KIF21B: variants seen among roughly 807,000 people sequenced by gnomAD.
KIF21B encodes the protein kinesin-like protein KIF21B.
Under a neutral mutation model 192.9 loss-of-function variants are expected in KIF21B, and 85 were observed. That is an observed-to-expected ratio of 0.44 (90% CI 0.37 to 0.53). The LOEUF (loss-of-function observed/expected upper bound fraction) is 0.53, where lower values mean the gene tolerates loss of function less well. Ranked by LOEUF, KIF21B falls within the 20% of genes least tolerant of loss-of-function variation. The probability of loss-of-function intolerance (pLI) is 0.00; values close to 1 mark genes in which losing one functional copy is unlikely to be tolerated. For synonymous variants in KIF21B, 832 were observed against 884.6 expected, an observed-to-expected ratio of 0.94 and a Z score of 1.05; for missense variants, 1,716 against 2,194.8, an observed-to-expected ratio of 0.78 and a Z score of 4.36.
At position 201,005,310 on chromosome 1, in the gene KIF21B, G is replaced by C. The variant is rs201624271; in HGVS notation, c.730C>G (p.Leu244Val). Reference protein sequence around the residue: ...CQMRMCTQPDLVNEAVTGLPD... With the variant: ...CQMRMCTQPDVVNEAVTGLPD... ...TGGGCCCCCTGCAGGCTCCTCACCA[G>C]GTCGGGCTGGGTGCACATGCGCATC... Residue 244 changes from leucine (L) to valine (V), a missense_variant and splice_region_variant, in exon 5 of 35, where the codon CTG becomes GTG. By Grantham distance (32) the Leu-to-Val change is conservative (BLOSUM62 1). Transcript: ENST00000461742. The C allele has an allele frequency of 8.2e-6, 13 of 1,595,078 alleles. No individual in the cohort carries two copies. The African/African-American group carries it at 1.6e-4, about 20-fold the overall frequency.
intron 34 of KIF21B, chr1:200,974,147 C>A: frequency 6.3e-7 from 1 of 1,595,992 alleles, no homozygotes; most frequent in South Asian, 1.1e-5. Flanking sequence ...GCGAGGAAGG[C>A]AGGGGGTGAG....
chr1:200,973,778 C>T, intron 34 of KIF21B, 200 bp from the exon 35 acceptor site: 2 of 1,442,232 alleles, frequency 1.4e-6, no homozygotes, highest in Non-Finnish European at 1.8e-6. Flanking sequence ...CACTCAGAGG[C>T]CCCCAGGGGA....
intron 15 of KIF21B, among the ~76,000 whole-genome samples, chr1:200,993,712 T>C (rs1285196045): frequency 6.7e-6 from 1 of 148,578 alleles, no homozygotes; most frequent in Non-Finnish European, 1.5e-5. Context: ...TTAGCGCCAC[T>C]GCACTCCAGC....
chr1:201,010,699 C>A (rs1658183326), intron 1 of KIF21B, among the ~76,000 whole-genome samples: 1 of 152,224 alleles, frequency 6.6e-6, no homozygotes, highest in Non-Finnish European at 1.5e-5. Flanking sequence ...ATGCCAGGGG[C>A]CAGGCCAGCA....
rs1201502152 is a variant in KIF21B, at chr1:201,000,641, T to A, written c.1467-33A>T. 1 of 1,612,962 alleles carries A rather than the reference T, an allele frequency of 6.2e-7. No individual in the cohort carries two copies. The highest frequency in any genetic ancestry group is 8.5e-7 in the Non-Finnish European group (1 of 1,179,420). ...GGAAGAACGAGTGGACGGGGCCGAGTGAGCTGCCACAGCCCTTGGCGTCAC... is the reference window on the plus strand; with the variant it reads ...GGAAGAACGAGTGGACGGGGCCGAGAGAGCTGCCACAGCCCTTGGCGTCAC... On this transcript the variant is annotated intron_variant, in intron 10 of 34. Coordinates refer to ENST00000461742, the MANE Select transcript of KIF21B (RefSeq NM_001252102.2). This position sits in a 1 kb window ranked among gnomAD's most constrained non-coding sequence, Gnocchi z 6.0.
In KIF21B at chr1:201,008,765, G is replaced by C; in HGVS notation, c.447+4C>G. The C allele has an allele frequency of 6.3e-7, 1 of 1,592,368 alleles. No homozygotes were observed. The highest frequency in any genetic ancestry group is 8.5e-7 in the Non-Finnish European group (1 of 1,175,172). On this transcript the variant is annotated splice_donor_region_variant and intron_variant, in intron 3 of 34. Transcript: ENST00000461742. ...CACCTGCCCACCCTATGGGGCCACA[G>C]TACCTCCAGAAACTGGGCGCTGACT... is the stretch of plus-strand genomic sequence containing the variant.
rs1329507140 is a variant in KIF21B, at chr1:200,979,437, G to GGCTGT, written c.4160+93_4160+97dup. On this transcript the variant is annotated intron_variant, in intron 30 of 34. Transcript: ENST00000461742. ...AATGGTCTCTGTGCCCATGTAGCCG[G>GGCTGT]GCTGTGCTGTGCTGAGTGGGTCACT... is the stretch of plus-strand genomic sequence containing the variant. 3.4e-6 allele frequency: 3 copies of GGCTGT among 876,176 alleles called. No individual in the cohort carries two copies. The African/African-American group carries it at 5.3e-5, about 15-fold the overall frequency. The allele number at this position is 876,176 out of a possible 1,614,324, so 54.3% of individuals were successfully genotyped here. A position where few individuals can be genotyped will look rare whatever the true frequency, so the allele number is the denominator to read the frequency against.
In KIF21B at chr1:200,999,794, C is replaced by CCA. The variant is rs1193944128; in HGVS notation, c.1767+87_1767+88dup. ...TGCAGACCCAACCGCCTCCTTCACT[C>CCA]CATACAAGGATGCGGATGGGGCCCC... is the stretch of plus-strand genomic sequence containing the variant. On this transcript the variant is annotated intron_variant, in intron 12 of 34. Transcript: ENST00000461742. The surrounding 1 kb of genome is among the most constrained non-coding windows in gnomAD (Gnocchi z 4.7). 5 of 1,288,686 alleles carry CCA rather than the reference C, an allele frequency of 3.9e-6. No individual in the cohort carries two copies. In the African/African-American group the frequency reaches 7.3e-5, roughly 19 times the overall value. 79.8% of individuals were successfully genotyped at this position (1,288,686 alleles called of 1,614,324 possible). A position where few individuals can be genotyped will look rare whatever the true frequency, so the allele number is the denominator to read the frequency against.
intron 15 of KIF21B, 77 bp downstream of exon 15, chr1:200,996,118 AT>A: frequency 1.4e-6 from 2 of 1,381,498 alleles, no homozygotes; most frequent in Non-Finnish European, 2.1e-6. Context: ...AGCAATGATT[AT>A]TTTTACGATG....
At position 200,973,497 on chromosome 1, in the gene KIF21B, G is replaced by C. The variant is rs559505489; in HGVS notation, c.*24C>G. On this transcript the variant is annotated 3_prime_UTR_variant, in exon 35 of 35. Coordinates refer to ENST00000461742, the MANE Select transcript of KIF21B (RefSeq NM_001252102.2). ...TCCAGGCTGCTGGGGTCGAGGGTCCGGGGGCATCCCTCTGACCTCACTCCT... is the reference window on the plus strand; with the variant it reads ...TCCAGGCTGCTGGGGTCGAGGGTCCCGGGGCATCCCTCTGACCTCACTCCT... 39 of 1,436,048 alleles carry C rather than the reference G, an allele frequency of 2.7e-5. No individual in the cohort carries two copies. The South Asian group carries it at 3.4e-4, about 12-fold the overall frequency. The allele number at this position is 1,436,048 out of a possible 1,614,324, so 89.0% of individuals were successfully genotyped here.
chr1:201,021,196 C>T (rs914108415), intron 1 of KIF21B, among the ~76,000 whole-genome samples: 4 of 152,256 alleles, frequency 2.6e-5, no homozygotes, highest in African/African-American at 9.6e-5. Context: ...CATCTGCTCT[C>T]CTTCCCAGCC....
At chr1:200,996,126 G>T (rs1229946231) in intron 15 of KIF21B, 70 bp downstream of exon 15, 2 of 1,400,520 alleles carry the variant, frequency 1.4e-6, no homozygotes. Flanking sequence ...TTATTTTTAC[G>T]ATGGTGAGTG....
At position 200,990,529 on chromosome 1, in the gene KIF21B, G is replaced by C; in HGVS notation, c.2835+47C>G. 6.3e-7 allele frequency: 1 copy of C among 1,599,688 alleles called. No homozygotes were observed. The highest frequency in any genetic ancestry group is 8.5e-7 in the Non-Finnish European group (1 of 1,171,244). ...GCCAGAGAAGTTGGAGGTGTCAGAG[G>C]ACAGGCAGAGGGGTGGAATGGAAGA... On this transcript the variant is annotated intron_variant, in intron 19 of 34. Transcript: ENST00000461742. The surrounding 1 kb of genome is among the most constrained non-coding windows in gnomAD (Gnocchi z 5.4).
Position 200,996,278 on chromosome 1 carries a change from G to T in KIF21B, c.2195C>A (p.Ala732Asp), listed in dbSNP as rs1377982256. 2 of 1,614,106 alleles carry T rather than the reference G, an allele frequency of 1.2e-6. No homozygotes were observed. Among genetic ancestry groups the T allele is most frequent in the Non-Finnish European group, 1.7e-6 (2 of 1,180,030 alleles). The change falls in exon 15 of 35, where the codon GCC becomes GAC. Residue 732 changes from alanine to aspartate, a missense_variant. Ala to Asp is a moderately radical substitution (Grantham distance 126). Transcript: ENST00000461742. ...GCGCGACTGGTTCTTAAGCAGCCGGGCGTGCTCTTTCTGGGCGGCCTGCAG... is the reference window on the plus strand; with the variant it reads ...GCGCGACTGGTTCTTAAGCAGCCGGTCGTGCTCTTTCTGGGCGGCCTGCAG... ...QKLQAAQKEHARLLKNQSRYE... is the reference protein window; with the variant it reads ...QKLQAAQKEHDRLLKNQSRYE...
intron 21 of KIF21B, among the ~76,000 whole-genome samples, chr1:200,989,180 C>T (rs1331267035): frequency 7.2e-5 from 11 of 152,184 alleles, no homozygotes; most frequent in South Asian, 6.2e-4. Flanking sequence ...TCATATTCAT[C>T]TACAGCCAAG....
intron 14 of KIF21B, among the ~76,000 whole-genome samples, chr1:200,997,940 T>A (rs1451842675): frequency 6.6e-6 from 1 of 152,162 alleles, no homozygotes; most frequent in African/African-American, 2.4e-5. Flanking sequence ...ACTAGAACAA[T>A]GTCTGCTCTG....
Position 201,008,992 on chromosome 1 carries a change from T to C in KIF21B, c.265-41A>G, listed in dbSNP as rs760386769. ...TAGGAGGGTGTAACCCTGCACCCTT[T>C]GGGGGCACCAGCAAGCCCTGTACCT... is the stretch of plus-strand genomic sequence containing the variant. On this transcript the variant is annotated intron_variant, in intron 2 of 34. Coordinates refer to ENST00000461742, the MANE Select transcript of KIF21B (RefSeq NM_001252102.2). 8 of 1,564,470 alleles carry C rather than the reference T, an allele frequency of 5.1e-6. No individual in the cohort carries two copies. In the Admixed American group the frequency reaches 1.3e-4, roughly 25 times the overall value.
chr1:200,975,792 T>C lies in KIF21B; in HGVS notation c.4444-123A>G. The C allele has an allele frequency of 1.0e-6, 1 of 965,298 alleles. No individual in the cohort carries two copies. The highest frequency in any genetic ancestry group is 1.6e-5 in the African/African-American group (1 of 60,688). The allele number at this position is 965,298 out of a possible 1,614,324, so 59.8% of individuals were successfully genotyped here. On this transcript the variant is annotated intron_variant, in intron 32 of 34. Coordinates refer to ENST00000461742, the MANE Select transcript of KIF21B (RefSeq NM_001252102.2). This position sits in a 1 kb window ranked among gnomAD's most constrained non-coding sequence, Gnocchi z 4.3. ...GGCTAGGGTGACAGCCACTGCCCTC[T>C]GGGGAGAGGAGCTTCCCAGCAGGCG... is the stretch of plus-strand genomic sequence containing the variant.
chr1:200,975,786 G>T lies in KIF21B; in HGVS notation c.4444-117C>A. 2 of 1,025,930 alleles carry T rather than the reference G, an allele frequency of 1.9e-6. No individual in the cohort carries two copies. Among genetic ancestry groups the T allele is most frequent in the Non-Finnish European group, 2.7e-6 (2 of 729,038 alleles). 63.6% of individuals were successfully genotyped at this position (1,025,930 alleles called of 1,614,324 possible). ...GAGTCTGGCTAGGGTGACAGCCACT[G>T]CCCTCTGGGGAGAGGAGCTTCCCAG... On this transcript the variant is annotated intron_variant, in intron 32 of 34. Transcript: ENST00000461742. This position sits in a 1 kb window ranked among gnomAD's most constrained non-coding sequence, Gnocchi z 4.3.
Sources: allele counts gnomAD v4.1 joint callset (sites outside exome capture counted in the v4.1 genomes callset), GRCh38; gene constraint gnomAD v4.1.1; non-coding constraint Gnocchi (gnomAD v3.1); transcripts MANE v1.5; gene names NCBI Gene and HGNC (gene_info 2026-07-23, HGNC 2026-07-21).